Variants in BTBD7 observed in about 807,000 individuals in gnomAD.
BTBD7 encodes the protein BTB domain containing 7.
Under a neutral mutation model 99.9 loss-of-function variants are expected in BTBD7, and 38 were observed. That is an observed-to-expected ratio of 0.38 (90% CI 0.29 to 0.50). The LOEUF (loss-of-function observed/expected upper bound fraction) is 0.50, where lower values mean the gene tolerates loss of function less well. BTBD7 is among the 20% of genes least tolerant of loss of function. The pLI is 0.93. For missense variants in BTBD7, 1,170 were observed against 1,394.6 expected (o/e 0.84, Z 2.57); for synonymous variants, 520 against 511.4 (o/e 1.02, Z -0.23).
chr14:93,283,588 A>G (rs140403262), intron 3 of BTBD7, among the ~76,000 whole-genome samples: 1 of 151,810 alleles, frequency 6.6e-6, no homozygotes, highest in Non-Finnish European at 1.5e-5. Context: ...CTCTCACTCT[A>G]TCACCCAGGC....
intron 1 of BTBD7, among the ~76,000 whole-genome samples, chr14:93,304,383 G>A (rs1040834669): frequency 5.3e-5 from 8 of 152,180 alleles, no homozygotes; most frequent in Non-Finnish European, 1.0e-4. Flanking sequence ...ACGGAGTCTC[G>A]TGCTGTCGCC....
At chr14:93,314,557 C>G (rs550650201) in intron 1 of BTBD7, among the ~76,000 whole-genome samples, 2 of 152,046 alleles carry the variant, frequency 1.3e-5, no homozygotes, top group Non-Finnish European at 2.9e-5. Context: ...TAATAATTTA[C>G]TTAACCAAAT....
At chr14:93,293,163 C>G (rs567175988) in intron 3 of BTBD7, among the ~76,000 whole-genome samples, 3 of 152,272 alleles carry the variant, frequency 2.0e-5, no homozygotes, top group African/African-American at 7.2e-5. Flanking sequence ...TGTTAAGATT[C>G]TAACATTTAC....
intron 1 of BTBD7, among the ~76,000 whole-genome samples, chr14:93,298,889 C>G (rs573696541): frequency 9.9e-5 from 15 of 152,280 alleles, no homozygotes; most frequent in African/African-American, 3.6e-4. Context: ...GATGTTTGGC[C>G]ATTTGCTGCT....
chr14:93,249,642 C>T (rs8017942), intron 8 of BTBD7, among the ~76,000 whole-genome samples: 3 of 151,976 alleles, frequency 2.0e-5, no homozygotes, highest in East Asian at 1.9e-4. Context: ...CATTCATTTA[C>T]GTACTGTCTA....
chr14:93,280,238 A>G (rs916115920), intron 3 of BTBD7, among the ~76,000 whole-genome samples: 6 of 152,254 alleles, frequency 3.9e-5, no homozygotes, highest in Non-Finnish European at 4.4e-5. Flanking sequence ...ATACAAGCTC[A>G]GATGTCAAAA....
chr14:93,309,005 CA>C (rs2053105989), intron 1 of BTBD7, among the ~76,000 whole-genome samples: 1 of 151,992 alleles, frequency 6.6e-6, no homozygotes, highest in Non-Finnish European at 1.5e-5. Context: ...TTTTAAGTGA[CA>C]ACTTAAAAAA....
intron 3 of BTBD7, among the ~76,000 whole-genome samples, chr14:93,266,807 G>T (rs2052547961): frequency 1.3e-5 from 2 of 152,192 alleles, no homozygotes; most frequent in African/African-American, 4.8e-5. Context: ...AGCACTAAAA[G>T]AATATCCCTA....
chr14:93,283,685 G>A (rs1315522085), intron 3 of BTBD7, among the ~76,000 whole-genome samples: 1 of 152,166 alleles, frequency 6.6e-6, no homozygotes, highest in Non-Finnish European at 1.5e-5. Context: ...CAGAGTAGCT[G>A]GGATTACAGG....
Position 93,294,831 on chromosome 14 carries a change from A to G in BTBD7, c.189T>C (p.Leu63=). ...PQDKKKRTSG[L]ATLKKKFIKR... Reference sequence around the variant, plus strand: ...TAATAAACTTCTTTTTGAGGGTGGCAAGACCAGAGGTTCTCTTTTTTTTGT... The same window carrying G: ...TAATAAACTTCTTTTTGAGGGTGGCGAGACCAGAGGTTCTCTTTTTTTTGT... Residue 63 remains leucine (L), a synonymous_variant, in exon 3 of 11, where the codon CTT becomes CTC. Coordinates refer to ENST00000334746, the MANE Select transcript of BTBD7 (RefSeq NM_001002860.4). 1.9e-6 allele frequency: 3 copies of G among 1,614,074 alleles called. No individual in the cohort carries two copies. The highest frequency in any genetic ancestry group is 2.5e-6 in the Non-Finnish European group (3 of 1,180,010).
intron 1 of BTBD7, among the ~76,000 whole-genome samples, chr14:93,331,515 T>C (rs1264819538): frequency 6.6e-6 from 1 of 152,234 alleles, no homozygotes; most frequent in Non-Finnish European, 1.5e-5. Context: ...AAGTCTTTCT[T>C]CCACATTTCA....
chr14:93,245,915 T>C lies in BTBD7; in HGVS notation c.2493A>G (p.Ala831=). The part of the protein sequence containing the change: ...KAAPPDCTST[A]GLGRQTVAAA... ...CAGCCACCGTCTGTCTGCCCAGTCCTGCAGTGCTGGTACAATCAGGCGGTG... is the reference window on the plus strand; with the variant it reads ...CAGCCACCGTCTGTCTGCCCAGTCCCGCAGTGCTGGTACAATCAGGCGGTG... Residue 831 remains alanine (A), a synonymous_variant, in exon 10 of 11, where the codon GCA becomes GCG. Transcript: ENST00000334746. 1 of 1,614,136 alleles carries C rather than the reference T, an allele frequency of 6.2e-7. No homozygotes were observed. Among genetic ancestry groups the C allele is most frequent in the Non-Finnish European group, 8.5e-7 (1 of 1,179,998 alleles).
At chr14:93,331,554 A>G (rs565617878) in intron 1 of BTBD7, among the ~76,000 whole-genome samples, 3 of 152,198 alleles carry the variant, frequency 2.0e-5, no homozygotes, top group Non-Finnish European at 2.9e-5. Context: ...TCAGCAATCT[A>G]AAGGAAACAG....
chr14:93,257,847 G>A (rs1335008180), intron 5 of BTBD7, among the ~76,000 whole-genome samples: 1 of 152,142 alleles, frequency 6.6e-6, no homozygotes, highest in East Asian at 1.9e-4. Context: ...AGCATAATGT[G>A]CTTTATTTGG....
intron 5 of BTBD7, among the ~76,000 whole-genome samples, chr14:93,260,521 G>A (rs2052475213): frequency 1.3e-5 from 2 of 151,614 alleles, no homozygotes; most frequent in African/African-American, 4.8e-5. Flanking sequence ...TCATTCAGAA[G>A]TATTATTTAT....
At chr14:93,313,179 C>A (rs1434622439) in intron 1 of BTBD7, among the ~76,000 whole-genome samples, 2 of 152,124 alleles carry the variant, frequency 1.3e-5, no homozygotes, top group African/African-American at 2.4e-5. Context: ...CCTCCCATAA[C>A]CCCTAAAATA....
At chr14:93,279,463 C>T (rs2052693033) in intron 3 of BTBD7, among the ~76,000 whole-genome samples, 1 of 152,142 alleles carries the variant, frequency 6.6e-6, no homozygotes, top group South Asian at 2.1e-4. Context: ...GCTTCTCGTC[C>T]TCCTAGGTAC....
In BTBD7 at chr14:93,275,304, T is replaced by C. The variant is rs2052642560; in HGVS notation, c.1163-11311A>G. ...CTTTGTATCCCTATTCCTTTTATCT[T>C]CTTCAGCTTTCTTTTCTCAGAACAC... On this transcript the variant is annotated intron_variant, in intron 3 of 10. Coordinates refer to ENST00000334746, the MANE Select transcript of BTBD7 (RefSeq NM_001002860.4). 2.6e-5 allele frequency among the ~76,000 whole-genome samples: 4 copies of C among 152,258 alleles called. No individual in the cohort carries two copies. In the South Asian group the frequency reaches 8.3e-4, roughly 31 times the overall value.
rs775710654 is a variant in BTBD7 at position 93,294,293 on chromosome 14, A to G, written c.727T>C (p.Tyr243His). ...AGGACGACATCATAATAACACATGT[A>G]ATCAAAGAGTCCACGCATATCTACA... is the stretch of plus-strand genomic sequence containing the variant. Reference protein sequence around the residue: ...LDVDMRGLFDYMCYYDVVLSF... With the variant: ...LDVDMRGLFDHMCYYDVVLSF... Residue 243 changes from tyrosine to histidine, a missense_variant, in exon 3 of 11, where the codon TAC becomes CAC. Around this residue, in one of 4 missense-constraint regions of BTBD7, gnomAD observed 359 missense variants for 497.9 expected, o/e 0.72. Transcript: ENST00000334746. 3.1e-6 allele frequency: 5 copies of G among 1,614,074 alleles called. No homozygotes were observed. Among genetic ancestry groups the G allele is most frequent in the African/African-American group, 1.3e-5 (1 of 74,942 alleles).
Sources: gnomAD v4.1 joint callset for allele counts (sites outside exome capture counted in the v4.1 genomes callset) on GRCh38, gnomAD v4.1.1 for gene constraint, gnomAD v4.1.1 regional missense constraint, MANE v1.5 for transcripts, NCBI Gene and HGNC (gene_info 2026-07-23, HGNC 2026-07-21) for gene names.